TAFA5: variants seen among roughly 807,000 people sequenced by gnomAD.
TAFA5 encodes the protein TAFA chemokine like family member 5, also known as chemokine-like protein TAFA-5.
Under a neutral mutation model 15.3 loss-of-function variants are expected in TAFA5, and 6 were observed. The ratio of observed to expected loss-of-function variants is 0.39; its 90% CI spans 0.21 to 0.77. The LOEUF is 0.77. Ranked by LOEUF, TAFA5 falls within the 30% of genes least tolerant of loss-of-function variation. The pLI is 0.41. For synonymous variants in TAFA5, 103 were observed against 80.7 expected (o/e 1.28, Z -1.48); for missense variants, 161 against 193.1 (o/e 0.83, Z 0.98).
At chr22:48,680,194 C>G (rs903006894) in intron 2 of TAFA5, among the ~76,000 whole-genome samples, 1 of 152,248 alleles carries the variant, frequency 6.6e-6, no homozygotes, top group Non-Finnish European at 1.5e-5. Flanking sequence ...ACCCCAGGCC[C>G]TGGCTCCGGC....
chr22:48,645,123 C>T (rs1601639493), intron 1 of TAFA5, among the ~76,000 whole-genome samples: 1 of 152,258 alleles, frequency 6.6e-6, no homozygotes, highest in Admixed American at 6.5e-5. Context: ...AGTAAGTAGA[C>T]ATCCAGGTGG....
chr22:48,642,784 TGTG>T (rs1021849905), intron 1 of TAFA5, among the ~76,000 whole-genome samples: 19 of 151,984 alleles, frequency 1.3e-4, no homozygotes, highest in South Asian at 2.1e-4. Context: ...TACATTCACA[TGTG>T]GGGGGTGTGT....
At chr22:48,516,204 G>A (rs183621326) in intron 1 of TAFA5, among the ~76,000 whole-genome samples, 42 of 152,244 alleles carry the variant, frequency 2.8e-4, no homozygotes, top group African/African-American at 9.6e-4. Context: ...ACGTGGAGGC[G>A]CCGAGACATT....
intron 3 of TAFA5, among the ~76,000 whole-genome samples, chr22:48,713,568 ACCTACAAGCC>A (rs1482548526): frequency 6.6e-6 from 1 of 152,182 alleles, no homozygotes; most frequent in Non-Finnish European, 1.5e-5. Flanking sequence ...GATTCACGCC[ACCTACAAGCC>A]CCTCTGGGAA....
intron 3 of TAFA5, among the ~76,000 whole-genome samples, chr22:48,723,867 T>C (rs78289422): frequency 0.018 from 2,741 of 152,362 alleles, 89 homozygotes; most frequent in African/African-American, 0.063. Flanking sequence ...AAGTTCTCTG[T>C]GTAGGAAAAG....
intron 1 of TAFA5, among the ~76,000 whole-genome samples, chr22:48,633,673 TG>T (rs1926329949): frequency 6.6e-6 from 1 of 151,426 alleles, no homozygotes. Context: ...GAGGGATTGG[TG>T]GGGGCGGCTG....
At chr22:48,520,411 G>A (rs1921563230) in intron 1 of TAFA5, among the ~76,000 whole-genome samples, 1 of 152,230 alleles carries the variant, frequency 6.6e-6, no homozygotes, top group South Asian at 2.1e-4. Context: ...CACCCCGAAG[G>A]CCTGGGGCCC....
chr22:48,631,188 G>A (rs1484660270), intron 1 of TAFA5, among the ~76,000 whole-genome samples: 1 of 152,196 alleles, frequency 6.6e-6, no homozygotes, highest in Non-Finnish European at 1.5e-5. Context: ...GAGAGGCAGG[G>A]GGCCCTTGGT....
intron 1 of TAFA5, among the ~76,000 whole-genome samples, chr22:48,604,774 G>T (rs1925099203): frequency 6.6e-6 from 1 of 152,194 alleles, no homozygotes; most frequent in African/African-American, 2.4e-5. Context: ...GAGGATTGAG[G>T]GGCCCAGGGC....
At chr22:48,624,472 G>A (rs981879257) in intron 1 of TAFA5, among the ~76,000 whole-genome samples, 3 of 152,154 alleles carry the variant, frequency 2.0e-5, no homozygotes, top group Non-Finnish European at 1.5e-5. Flanking sequence ...CTTCAGCGTC[G>A]GAGACATGCG....
At chr22:48,732,836 A>G (rs532665599) in intron 3 of TAFA5, among the ~76,000 whole-genome samples, 5 of 152,214 alleles carry the variant, frequency 3.3e-5, no homozygotes, top group Non-Finnish European at 7.3e-5. Flanking sequence ...ACCTTCAGCA[A>G]CCACCGCCCT....
At chr22:48,682,728 T>G (rs1928232969) in intron 2 of TAFA5, among the ~76,000 whole-genome samples, 1 of 152,244 alleles carries the variant, frequency 6.6e-6, no homozygotes, top group South Asian at 2.1e-4. Context: ...GCACAGTCAT[T>G]GTCGCTGAAT....
intron 2 of TAFA5, among the ~76,000 whole-genome samples, chr22:48,669,785 C>T (rs1168410336): frequency 6.6e-6 from 1 of 152,244 alleles, no homozygotes; most frequent in Non-Finnish European, 1.5e-5. Flanking sequence ...ATGTTGCCCA[C>T]TTGCCTGCAG....
intron 1 of TAFA5, among the ~76,000 whole-genome samples, chr22:48,614,101 C>T (rs58975775): frequency 0.047 from 7,119 of 152,278 alleles, 548 homozygotes; most frequent in African/African-American, 0.16. Flanking sequence ...TATCTCAGGA[C>T]AGCCGGTGTG....
chr22:48,713,188 T>G (rs1264852845), intron 3 of TAFA5, among the ~76,000 whole-genome samples: 1 of 152,212 alleles, frequency 6.6e-6, no homozygotes, highest in African/African-American at 2.4e-5. Flanking sequence ...CAGCGGGGTT[T>G]CTGTATGGTT....
intron 1 of TAFA5, among the ~76,000 whole-genome samples, chr22:48,537,454 T>C (rs574029520): frequency 4.6e-5 from 7 of 152,204 alleles, no homozygotes; most frequent in Non-Finnish European, 8.8e-5. Context: ...AGGAGGCATG[T>C]GGGCAGAGGA....
rs16999295 is a variant in TAFA5 at position 48,508,122 on chromosome 22, G to A, written c.112+18418G>A. Reference sequence around the variant, plus strand: ...CTGAGGCAGAGCCAGTACGTGGACAGCCCTGATGCGTGGGCCACTGTTTCT... The same window carrying A: ...CTGAGGCAGAGCCAGTACGTGGACAACCCTGATGCGTGGGCCACTGTTTCT... On this transcript the variant is annotated intron_variant, in intron 1 of 3. Transcript: ENST00000402357. Among the ~76,000 whole-genome samples, 627 of 152,328 alleles carry A rather than the reference G, an allele frequency of 4.1e-3. 5 individuals carry two copies. The highest frequency in any genetic ancestry group is 0.015 in the African/African-American group (608 of 41,580).
chr22:48,646,736 C>G lies in TAFA5; in HGVS notation c.252C>G (p.Ala84=), dbSNP rs765523370. 1.9e-6 allele frequency: 3 copies of G among 1,581,076 alleles called. No homozygotes were observed. Among genetic ancestry groups the G allele is most frequent in the Non-Finnish European group, 2.6e-6 (3 of 1,167,666 alleles). Residue 84 remains alanine (A), a synonymous_variant, in exon 2 of 4, where the codon GCC becomes GCG. Transcript: ENST00000402357. ...QIAGTTRARP[A]CVDARIIKTK... The stretch of plus-strand genomic sequence containing the variant: ...CCGGCACCACGAGAGCCCGGCCCGC[C>G]TGTGTGGACGGTAAGCACCCGTGGC...
intron 1 of TAFA5, among the ~76,000 whole-genome samples, chr22:48,604,423 C>T (rs1021577977): frequency 6.6e-6 from 1 of 152,206 alleles, no homozygotes; most frequent in Non-Finnish European, 1.5e-5. Context: ...TTTTGAGCCG[C>T]CGTGGTGGTG....
Sources: gnomAD v4.1 joint callset for allele counts (sites outside exome capture counted in the v4.1 genomes callset) on GRCh38, gnomAD v4.1.1 for gene constraint, MANE v1.5 for transcripts, NCBI Gene and HGNC (gene_info 2026-07-23, HGNC 2026-07-21) for gene names.